TRIM44: variants seen among roughly 807,000 people sequenced by gnomAD.
TRIM44 encodes tripartite motif containing 44, also known as tripartite motif-containing protein 44.
In TRIM44, 13 loss-of-function variants were observed where a neutral mutation model predicts 37.4. The observed-to-expected ratio is 0.35, with a 90% CI of 0.23 to 0.55. TRIM44 has a LOEUF of 0.55. Ranked by LOEUF, TRIM44 falls within the 20% of genes least tolerant of loss-of-function variation. TRIM44 has a pLI of 0.89. For missense variants in TRIM44, 426 were observed against 437.2 expected, an observed-to-expected ratio of 0.97 and a Z score of 0.23; for synonymous variants, 175 against 157.2, an observed-to-expected ratio of 1.11 and a Z score of -0.85.
intron 4 of TRIM44, among the ~76,000 whole-genome samples, chr11:35,789,567 G>A (rs1853175153): frequency 6.6e-6 from 1 of 152,204 alleles, no homozygotes; most frequent in Non-Finnish European, 1.5e-5. Context: ...ATAAGTAGAA[G>A]AACTGGATTC....
intron 1 of TRIM44, among the ~76,000 whole-genome samples, chr11:35,674,547 G>A (rs1363776854): frequency 6.6e-6 from 1 of 152,164 alleles, no homozygotes; most frequent in Non-Finnish European, 1.5e-5. Flanking sequence ...GATGGGTTTA[G>A]TTAGTTTTTG....
intron 2 of TRIM44, among the ~76,000 whole-genome samples, chr11:35,698,139 C>T (rs34329584): frequency 0.097 from 14,483 of 148,688 alleles, 867 homozygotes; most frequent in Middle Eastern, 0.14. Context: ...TTTTAATGAT[C>T]GCCATTCTAA....
At chr11:35,776,494 C>T (rs1299128864) in intron 4 of TRIM44, among the ~76,000 whole-genome samples, 2 of 152,194 alleles carry the variant, frequency 1.3e-5, no homozygotes, top group African/African-American at 4.8e-5. Flanking sequence ...TTCTTGCCTT[C>T]TGCTAGCTTT....
At chr11:35,737,027 A>G (rs1461449804) in intron 4 of TRIM44, among the ~76,000 whole-genome samples, 1 of 152,166 alleles carries the variant, frequency 6.6e-6, no homozygotes. Flanking sequence ...ATGGTAGGGA[A>G]TGTGTTCTGA....
rs574325024 is a variant in TRIM44 at position 35,771,640 on chromosome 11, G to A, written c.1008-34718G>A. On this transcript the variant is annotated intron_variant, in intron 4 of 4. Coordinates refer to ENST00000299413, the MANE Select transcript of TRIM44 (RefSeq NM_017583.6). ...CTTGGGAGGCTGAAGCAAGAGAATC[G>A]CTTGAAGGTGGGAGACAGAGGTTGC... Among the ~76,000 whole-genome samples the A allele has an allele frequency of 1.3e-4, 20 of 151,858 alleles. No homozygotes were observed. In the South Asian group the frequency reaches 2.5e-3, roughly 19 times the overall value.
intron 1 of TRIM44, among the ~76,000 whole-genome samples, chr11:35,671,819 T>C (rs528355534): frequency 2.6e-5 from 4 of 152,342 alleles, no homozygotes; most frequent in Non-Finnish European, 5.9e-5. Flanking sequence ...GCAGTTTTGG[T>C]CTGTGGCATT....
chr11:35,755,580 A>T (rs1852626119), intron 4 of TRIM44, among the ~76,000 whole-genome samples: 1 of 152,154 alleles, frequency 6.6e-6, no homozygotes, highest in African/African-American at 2.4e-5. Flanking sequence ...GTCCTTGCCC[A>T]TGCCTATATC....
chr11:35,701,009 C>T (rs1359773611), intron 2 of TRIM44, among the ~76,000 whole-genome samples: 2 of 151,968 alleles, frequency 1.3e-5, no homozygotes, highest in Non-Finnish European at 2.9e-5. Flanking sequence ...TTTCATTTGC[C>T]AGTTTTGAAT....
intron 4 of TRIM44, among the ~76,000 whole-genome samples, chr11:35,756,989 A>C (rs1043200562): frequency 6.6e-6 from 1 of 152,170 alleles, no homozygotes; most frequent in Non-Finnish European, 1.5e-5. Flanking sequence ...TGTCTCTGCC[A>C]GGCTTTGGTA....
intron 2 of TRIM44, among the ~76,000 whole-genome samples, chr11:35,707,342 G>C (rs1851900124): frequency 6.6e-6 from 1 of 152,106 alleles, no homozygotes; most frequent in African/African-American, 2.4e-5. Flanking sequence ...TACTGCCCAA[G>C]GTAATTTATA....
rs567454487 is a variant in TRIM44 at position 35,754,503 on chromosome 11, A to T, written c.1007+19058A>T. ...TTTGATCCTTCAATCTTTATAGTTT[A>T]TTTTTATTTTTTTTATTATACTTTA... On this transcript the variant is annotated intron_variant, in intron 4 of 4. Coordinates refer to ENST00000299413, the MANE Select transcript of TRIM44 (RefSeq NM_017583.6). Among the ~76,000 whole-genome samples the T allele has an allele frequency of 1.4e-3, 207 of 151,786 alleles. No homozygotes were observed. The Middle Eastern group carries it at 0.017, about 12-fold the overall frequency.
At chr11:35,741,142 A>G (rs1032979224) in intron 4 of TRIM44, among the ~76,000 whole-genome samples, 1 of 152,156 alleles carries the variant, frequency 6.6e-6, no homozygotes, top group African/African-American at 2.4e-5. Flanking sequence ...TACTTGTGAT[A>G]TGGAATGGAA....
At chr11:35,664,384 G>T (rs949346467) in intron 1 of TRIM44, among the ~76,000 whole-genome samples, 4 of 152,174 alleles carry the variant, frequency 2.6e-5, no homozygotes, top group African/African-American at 9.7e-5. Flanking sequence ...TTTGTCTGTC[G>T]TGGACCTTAC....
chr11:35,763,118 A>G (rs1387889599), intron 4 of TRIM44, among the ~76,000 whole-genome samples: 1 of 152,198 alleles, frequency 6.6e-6, no homozygotes, highest in Admixed American at 6.5e-5. Flanking sequence ...CTTTATTCTA[A>G]GACCAAAGCT....
intron 4 of TRIM44, among the ~76,000 whole-genome samples, chr11:35,794,296 G>A (rs74351092): frequency 6.6e-6 from 1 of 152,302 alleles, no homozygotes; most frequent in East Asian, 1.9e-4. Flanking sequence ...GGTAAGAGGT[G>A]GATAAAGTAT....
intron 2 of TRIM44, among the ~76,000 whole-genome samples, chr11:35,718,012 T>A (rs7103753): frequency 0.013 from 1,946 of 152,178 alleles, 46 homozygotes; most frequent in African/African-American, 0.044. Context: ...AACTCAGTAG[T>A]TGTTAGGATG....
At chr11:35,671,867 G>A (rs1410383562) in intron 1 of TRIM44, among the ~76,000 whole-genome samples, 2 of 152,158 alleles carry the variant, frequency 1.3e-5, no homozygotes, top group African/African-American at 4.8e-5. Context: ...AGTTTGAACT[G>A]AGCCTAGTCT....
In TRIM44 at chr11:35,663,380, A is replaced by C; in HGVS notation, c.269A>C (p.Glu90Ala). 1 of 1,610,454 alleles carries C rather than the reference A, an allele frequency of 6.2e-7. No homozygotes were observed. ...EAEVKVEQEREIESEAGEESE... is the reference protein window; with the variant it reads ...EAEVKVEQERAIESEAGEESE... The stretch of plus-strand genomic sequence containing the variant: ...GAGGTCAAGGTGGAGCAGGAGAGGG[A>C]GATAGAAAGCGAGGCAGGGGAAGAG... The change falls in exon 1 of 5, where the codon GAG becomes GCG. Residue 90 changes from glutamate to alanine, a missense_variant. Physicochemically the swap from Glu to Ala is moderately radical, Grantham distance 107. Coordinates refer to ENST00000299413, the MANE Select transcript of TRIM44 (RefSeq NM_017583.6).
intron 4 of TRIM44, among the ~76,000 whole-genome samples, chr11:35,750,281 T>C (rs1409697369): frequency 6.6e-6 from 1 of 152,182 alleles, no homozygotes; most frequent in African/African-American, 2.4e-5. Flanking sequence ...TCCTCCACAT[T>C]TGAGGGGCAT....
Sources: allele counts gnomAD v4.1 joint callset (sites outside exome capture counted in the v4.1 genomes callset), GRCh38; gene constraint gnomAD v4.1.1; transcripts MANE v1.5; gene names NCBI Gene and HGNC (gene_info 2026-07-23, HGNC 2026-07-21).